Variants in RBFOX1 observed in about 807,000 individuals in gnomAD.
The protein encoded by RBFOX1 is RNA binding fox-1 homolog 1.
In RBFOX1, 8 loss-of-function variants were observed where a neutral mutation model predicts 57.7. That is an observed-to-expected ratio of 0.14 (90% confidence interval 0.08 to 0.25). The LOEUF is 0.25. Ranked by LOEUF, RBFOX1 falls within the 10% of genes least tolerant of loss-of-function variation. The probability of loss-of-function intolerance (pLI) is 1.00; values close to 1 mark genes in which losing one functional copy is unlikely to be tolerated. For missense variants in RBFOX1, 611 were observed against 548.5 expected, an observed-to-expected ratio of 1.11 and a Z score of -1.14; for synonymous variants, 326 against 222.4, an observed-to-expected ratio of 1.47 and a Z score of -4.15.
chr16:5,874,957 T>C (rs1158628563), intron 4 of RBFOX1, among the ~76,000 whole-genome samples: 2 of 151,968 alleles, frequency 1.3e-5, no homozygotes, highest in Non-Finnish European at 2.9e-5. Flanking sequence ...CATAAATAAA[T>C]GCATGAATGA....
At chr16:7,544,928 T>G (rs2084004596) in intron 5 of RBFOX1, among the ~76,000 whole-genome samples, 1 of 152,198 alleles carries the variant, frequency 6.6e-6, no homozygotes, top group East Asian at 1.9e-4. Context: ...GTATCTGTGA[T>G]GCTTCACTCC....
intron 4 of RBFOX1, among the ~76,000 whole-genome samples, chr16:7,505,119 C>A (rs987167141): frequency 6.6e-6 from 1 of 151,348 alleles, no homozygotes; most frequent in Non-Finnish European, 1.5e-5. Flanking sequence ...AATGAAGAGA[C>A]TAGCTTGGGA....
chr16:7,088,889 G>C (rs1034497266), intron 4 of RBFOX1, among the ~76,000 whole-genome samples: 1 of 152,040 alleles, frequency 6.6e-6, no homozygotes, highest in African/African-American at 2.4e-5. Flanking sequence ...TTCGTTGCTC[G>C]GCAGGCTTAG....
At position 7,538,986 on chromosome 16, in the gene RBFOX1, G is replaced by A. The variant is rs1339530241; in HGVS notation, c.270+20597G>A. 2.6e-5 allele frequency among the ~76,000 whole-genome samples: 4 copies of A among 151,982 alleles called. No individual in the cohort carries two copies. In the East Asian group the frequency reaches 5.8e-4, roughly 22 times the overall value. On this transcript the variant is annotated intron_variant, in intron 5 of 15. Transcript: ENST00000550418. ...ACACACTTCAGTGGTGGCTGAATTCGAAAAAGGTGTGTCTCAAGAAATGAG... is the reference window on the plus strand; with the variant it reads ...ACACACTTCAGTGGTGGCTGAATTCAAAAAAGGTGTGTCTCAAGAAATGAG...
chr16:6,824,341 G>A (rs1476842713), intron 3 of RBFOX1, among the ~76,000 whole-genome samples: 1 of 152,160 alleles, frequency 6.6e-6, no homozygotes, highest in Non-Finnish European at 1.5e-5. Context: ...GAGAGGCACA[G>A]GTTGCATTGA....
intron 1 of RBFOX1, among the ~76,000 whole-genome samples, chr16:5,275,520 C>G (rs1320352258): frequency 2.6e-5 from 4 of 152,110 alleles, no homozygotes. Context: ...CAAAACACTG[C>G]TGAAAGAAAT....
chr16:7,130,843 A>G (rs1048663777), intron 4 of RBFOX1, among the ~76,000 whole-genome samples: 1 of 152,144 alleles, frequency 6.6e-6, no homozygotes, highest in Non-Finnish European at 1.5e-5. Flanking sequence ...TCTCATTCAT[A>G]ATCTATCAGG....
intron 3 of RBFOX1, among the ~76,000 whole-genome samples, chr16:6,696,111 G>T (rs555948046): frequency 5.3e-5 from 8 of 152,258 alleles, no homozygotes; most frequent in Non-Finnish European, 1.0e-4. Context: ...AATACACTGG[G>T]GAGCTCATTA....
At chr16:5,637,698 A>G (rs1313683797) in intron 3 of RBFOX1, among the ~76,000 whole-genome samples, 1 of 152,180 alleles carries the variant, frequency 6.6e-6, no homozygotes, top group Non-Finnish European at 1.5e-5. Context: ...AGGGAGGCAG[A>G]TGGGGAAGGA....
chr16:5,276,288 C>G (rs549715410), intron 1 of RBFOX1, among the ~76,000 whole-genome samples: 1 of 152,054 alleles, frequency 6.6e-6, no homozygotes, highest in African/African-American at 2.4e-5. Context: ...CTGCATCTGA[C>G]AAAGGACTAA....
chr16:5,289,342 C>T (rs1222986512), intron 1 of RBFOX1: 1 of 407,530 alleles, frequency 2.5e-6, no homozygotes, highest in East Asian at 5.2e-5. Context: ...TGGCATCACC[C>T]CAGGAGGAGG....
At position 7,577,109 on chromosome 16, in the gene RBFOX1, T is replaced by C. The variant is rs111404439; in HGVS notation, c.271-2668T>C. ...ATCACATGAAGGCGGCGACATTGAT[T>C]GTACACTTCTTCATGCATTTGTTTA... is the stretch of plus-strand genomic sequence containing the variant. On this transcript the variant is annotated intron_variant, in intron 5 of 15. Transcript: ENST00000550418. Among the ~76,000 whole-genome samples, 526 of 152,354 alleles carry C rather than the reference T, an allele frequency of 3.5e-3. 1 individual carries two copies. The highest frequency in any genetic ancestry group is 5.9e-3 in the Admixed American group (90 of 15,308).
intron 2 of RBFOX1, among the ~76,000 whole-genome samples, chr16:6,621,190 G>A (rs1438795647): frequency 2.6e-5 from 4 of 152,154 alleles, no homozygotes; most frequent in East Asian, 1.9e-4. Context: ...GGCCGGGCGC[G>A]GTGGCTCACG....
chr16:5,258,535 T>C (rs2062647623), intron 1 of RBFOX1, among the ~76,000 whole-genome samples: 1 of 152,200 alleles, frequency 6.6e-6, no homozygotes. Flanking sequence ...TTTTTTTCTT[T>C]GAGCAAAGAT....
intron 4 of RBFOX1, among the ~76,000 whole-genome samples, chr16:5,962,800 A>G (rs1043967791): frequency 1.4e-5 from 2 of 147,622 alleles, no homozygotes; most frequent in Non-Finnish European, 3.0e-5. Flanking sequence ...CAGCTACGGT[A>G]TGAGAAGTGA....
chr16:7,262,544 C>T lies in RBFOX1; in HGVS notation c.27+210446C>T, dbSNP rs943197780. ...CCACATTTGCAGGCATGCATAGCAC[C>T]CCACTTTGTGGGGCACCCATTGCTC... On this transcript the variant is annotated intron_variant, in intron 4 of 15. Transcript: ENST00000550418. Among the ~76,000 whole-genome samples the T allele has an allele frequency of 5.9e-5, 9 of 152,344 alleles. No homozygotes were observed. The East Asian group carries it at 1.7e-3, about 29-fold the overall frequency.
chr16:6,640,437 C>G (rs1279906084), intron 2 of RBFOX1, among the ~76,000 whole-genome samples: 1 of 151,998 alleles, frequency 6.6e-6, no homozygotes, highest in Non-Finnish European at 1.5e-5. Context: ...GGTCAAACCC[C>G]ATGTCTGCTA....
intron 1 of RBFOX1, among the ~76,000 whole-genome samples, chr16:6,277,193 G>A (rs2075888377): frequency 6.6e-6 from 1 of 152,078 alleles, no homozygotes. Context: ...GGGCACAGTG[G>A]CTCACACCTG....
chr16:7,341,716 T>TTCCCTCCC (rs1181153669), intron 4 of RBFOX1, among the ~76,000 whole-genome samples: 1 of 143,576 alleles, frequency 7.0e-6, no homozygotes, highest in East Asian at 2.2e-4. Context: ...CCTTCCTTCC[T>TTCCCTCCC]TCCCTCCCTC....
Sources: allele counts gnomAD v4.1 joint callset (sites outside exome capture counted in the v4.1 genomes callset), GRCh38; gene constraint gnomAD v4.1.1; transcripts MANE v1.5; gene names NCBI Gene and HGNC (gene_info 2026-07-23, HGNC 2026-07-21).